Variants in PREP observed in about 807,000 individuals in gnomAD.
The protein encoded by PREP is prolyl endopeptidase.
In PREP, 29 loss-of-function variants were observed where a neutral mutation model predicts 87.6. The ratio of observed to expected loss-of-function variants is 0.33; its 90% CI spans 0.25 to 0.45. The LOEUF (loss-of-function observed/expected upper bound fraction) is 0.45. PREP is among the 20% of genes least tolerant of loss of function. PREP has a pLI of 1.00. For missense variants in PREP, 695 were observed against 886.5 expected, an observed-to-expected ratio of 0.78 and a Z score of 2.74; for synonymous variants, 337 against 328.6, an observed-to-expected ratio of 1.03 and a Z score of -0.28.
At chr6:105,339,526 G>A (rs149011308) in intron 7 of PREP, among the ~76,000 whole-genome samples, 2 of 152,330 alleles carry the variant, frequency 1.3e-5, no homozygotes, top group African/African-American at 4.8e-5. Flanking sequence ...AAAGCTGGAT[G>A]GAGAATGACT....
intron 2 of PREP, among the ~76,000 whole-genome samples, chr6:105,395,308 G>A (rs1158768363): frequency 6.6e-6 from 1 of 152,130 alleles, no homozygotes; most frequent in African/African-American, 2.4e-5. Context: ...ATTACACCCA[G>A]TCTTTTTACT....
At chr6:105,394,358 C>T (rs1371785818) in intron 2 of PREP, among the ~76,000 whole-genome samples, 1 of 152,032 alleles carries the variant, frequency 6.6e-6, no homozygotes, top group Non-Finnish European at 1.5e-5. Context: ...AAGACCTGAA[C>T]CGAAATTTGG....
At chr6:105,369,831 A>G (rs1192620945) in intron 5 of PREP, among the ~76,000 whole-genome samples, 2 of 152,230 alleles carry the variant, frequency 1.3e-5, no homozygotes, top group Admixed American at 1.3e-4. Context: ...ACAAACAAAC[A>G]AACAAAAAAA....
At chr6:105,378,250 G>A (rs1772742090) in intron 2 of PREP, among the ~76,000 whole-genome samples, 1 of 152,206 alleles carries the variant, frequency 6.6e-6, no homozygotes, top group African/African-American at 2.4e-5. Flanking sequence ...CTTGAGGCCA[G>A]AAGATCGAGA....
At chr6:105,317,056 C>T (rs1770891037) in intron 10 of PREP, among the ~76,000 whole-genome samples, 1 of 151,198 alleles carries the variant, frequency 6.6e-6, no homozygotes, top group African/African-American at 2.4e-5. Flanking sequence ...AATGATCATC[C>T]TGCCTCAGCC....
chr6:105,385,898 G>C (rs1392680328), intron 2 of PREP, among the ~76,000 whole-genome samples: 1 of 152,170 alleles, frequency 6.6e-6, no homozygotes, highest in Non-Finnish European at 1.5e-5. Context: ...AAGGCAGGCA[G>C]ATCACGAGGT....
chr6:105,390,882 G>A (rs896313566), intron 2 of PREP, among the ~76,000 whole-genome samples: 1 of 152,114 alleles, frequency 6.6e-6, no homozygotes, highest in Non-Finnish European at 1.5e-5. Context: ...TCGGAGAGAT[G>A]CTGCCTCCAT....
intron 2 of PREP, among the ~76,000 whole-genome samples, chr6:105,386,129 A>G (rs958914386): frequency 7.2e-5 from 11 of 152,284 alleles, no homozygotes; most frequent in African/African-American, 2.6e-4. Flanking sequence ...AAAGAAAGAA[A>G]GAAAAAAACC....
chr6:105,367,954 T>TA (rs1562218539), intron 6 of PREP, among the ~76,000 whole-genome samples: 1 of 151,678 alleles, frequency 6.6e-6, no homozygotes, highest in African/African-American at 2.4e-5. Context: ...CAGTTTTTTT[T>TA]ACTAACCCCT....
At chr6:105,377,011 T>C (rs1009632332) in intron 3 of PREP, among the ~76,000 whole-genome samples, 4 of 152,180 alleles carry the variant, frequency 2.6e-5, no homozygotes, top group African/African-American at 9.7e-5. Flanking sequence ...TCACCATTCT[T>C]TGACAGAAGA....
chr6:105,342,880 T>C (rs1014427168), intron 7 of PREP, among the ~76,000 whole-genome samples: 49 of 137,752 alleles, frequency 3.6e-4, no homozygotes, highest in South Asian at 9.4e-4. Context: ...TAAAAGAGGA[T>C]ACAAACAAAT....
chr6:105,281,695 T>A (rs1417887078), intron 14 of PREP, 51 bp downstream of exon 14: 1 of 1,579,538 alleles, frequency 6.3e-7, no homozygotes, highest in Non-Finnish European at 8.6e-7. Flanking sequence ...GTGACTGTGT[T>A]CAACTTTATA....
At position 105,273,524 on chromosome 6, in the gene PREP, T is replaced by C. The variant is rs887169507; in HGVS notation, c.*4620A>G. The C allele has an allele frequency of 1.3e-5, 2 of 152,218 alleles. No individual in the cohort carries two copies. The highest frequency in any genetic ancestry group is 4.8e-5 in the African/African-American group (2 of 41,464). 9.4% of individuals were successfully genotyped at this position (152,218 alleles called of 1,614,324 possible). A position where few individuals can be genotyped will look rare whatever the true frequency, so the allele number is the denominator to read the frequency against. ...ATCAGACTATACCCAGTCATTTGTG[T>C]CTGGCTTCTTTCACTTATAATGTTT... On this transcript the variant is annotated 3_prime_UTR_variant, in exon 15 of 15. Transcript: ENST00000652536.
At chr6:105,317,126 T>A (rs1292949366) in intron 10 of PREP, among the ~76,000 whole-genome samples, 3 of 151,858 alleles carry the variant, frequency 2.0e-5, no homozygotes, top group African/African-American at 7.3e-5. Flanking sequence ...AAAAAAAATA[T>A]ATATATTTTT....
chr6:105,315,568 T>G (rs971364957), intron 10 of PREP, among the ~76,000 whole-genome samples: 1 of 152,186 alleles, frequency 6.6e-6, no homozygotes, highest in African/African-American at 2.4e-5. Context: ...CCTAATAGAA[T>G]CAACCTGTCC....
chr6:105,351,376 G>A (rs1178390560), intron 7 of PREP, among the ~76,000 whole-genome samples: 1 of 152,020 alleles, frequency 6.6e-6, no homozygotes, highest in Non-Finnish European at 1.5e-5. Flanking sequence ...TCTAGAATTT[G>A]GTTTTTGAGA....
intron 9 of PREP, among the ~76,000 whole-genome samples, chr6:105,326,928 G>A (rs926759746): frequency 2.0e-5 from 3 of 152,124 alleles, no homozygotes; most frequent in Non-Finnish European, 4.4e-5. Flanking sequence ...CCACAGTCAC[G>A]GGTAATATTT....
rs374312177 is a variant in PREP, at chr6:105,274,684, C to A, written c.*3460G>T. On this transcript the variant is annotated 3_prime_UTR_variant, in exon 15 of 15. Transcript: ENST00000652536. ...TGGGAAGGCTGAGGCAGGAGAATCA[C>A]GTGAACCCAAGAGGTGGAGGTTGCA... 1.3e-5 allele frequency among the ~76,000 whole-genome samples: 2 copies of A among 152,116 alleles called. No individual in the cohort carries two copies. The highest frequency in any genetic ancestry group is 4.8e-5 in the African/African-American group (2 of 41,404).
chr6:105,363,645 G>A (rs570809140), intron 6 of PREP, among the ~76,000 whole-genome samples: 2 of 152,292 alleles, frequency 1.3e-5, no homozygotes, highest in African/African-American at 4.8e-5. Context: ...GAGGAGGGCA[G>A]TGAACACATC....
Sources: gnomAD v4.1 joint callset for allele counts (sites outside exome capture counted in the v4.1 genomes callset) on GRCh38, gnomAD v4.1.1 for gene constraint, MANE v1.5 for transcripts, NCBI Gene and HGNC (gene_info 2026-07-23, HGNC 2026-07-21) for gene names.